The following SEMA6A variants were observed in gnomAD, a reference collection of about 807,000 sequenced individuals.
The protein encoded by SEMA6A is semaphorin 6A.
In SEMA6A, 25 loss-of-function variants were observed where a neutral mutation model predicts 96.8. That is an observed-to-expected ratio of 0.26 (90% CI 0.19 to 0.36). The LOEUF (loss-of-function observed/expected upper bound fraction) is 0.36. Ranked by LOEUF, SEMA6A falls within the 10% of genes least tolerant of loss-of-function variation. The probability of loss-of-function intolerance (pLI) is 1.00; values close to 1 mark genes in which losing one functional copy is unlikely to be tolerated. For missense variants in SEMA6A, 1,363 were observed against 1,323.1 expected (o/e 1.03, Z -0.47); for synonymous variants, 612 against 518.0 (o/e 1.18, Z -2.46).
At chr5:116,523,501 G>A (rs561300792) in intron 1 of SEMA6A, among the ~76,000 whole-genome samples, 4 of 152,070 alleles carry the variant, frequency 2.6e-5, no homozygotes, top group East Asian at 3.9e-4. Context: ...TTGTAGAGAC[G>A]GGATTTCATC....
At chr5:116,484,660 TAAC>T (rs918301400) in intron 10 of SEMA6A, among the ~76,000 whole-genome samples, 13 of 151,920 alleles carry the variant, frequency 8.6e-5, no homozygotes, top group African/African-American at 2.2e-4. Context: ...ACAAAAATCA[TAAC>T]AACAACATCT....
intron 13 of SEMA6A, 52 bp from the exon 14 acceptor site, chr5:116,478,206 G>C: frequency 1.3e-6 from 2 of 1,581,552 alleles, no homozygotes; most frequent in Non-Finnish European, 1.7e-6. Context: ...TCTTTTTCTC[G>C]GCCCCACCCT....
chr5:116,459,233 T>C (rs895766443), intron 18 of SEMA6A, among the ~76,000 whole-genome samples: 10 of 152,188 alleles, frequency 6.6e-5, no homozygotes, highest in Admixed American at 3.9e-4. Context: ...ATGCCAGCGA[T>C]GTGTAGTAAC....
intron 1 of SEMA6A, among the ~76,000 whole-genome samples, chr5:116,560,561 A>C (rs976966174): frequency 6.6e-6 from 1 of 151,784 alleles, no homozygotes; most frequent in African/African-American, 2.4e-5. Flanking sequence ...CCTTGCTAAA[A>C]ACGTGTTTCT....
intron 1 of SEMA6A, among the ~76,000 whole-genome samples, chr5:116,520,568 T>C (rs886528284): frequency 2.0e-5 from 3 of 152,116 alleles, no homozygotes; most frequent in African/African-American, 7.2e-5. Context: ...TTTTCAGATA[T>C]CTGAAGAGAA....
At position 116,446,648 on chromosome 5, in the gene SEMA6A, A is replaced by G; in HGVS notation, c.3058T>C (p.Ser1020Pro). Residue 1020 changes from serine to proline, a missense_variant, in exon 19 of 19, where the codon TCC becomes CCC. By Grantham distance (74) the Ser-to-Pro change is moderately conservative. This residue lies in a region of SEMA6A where 883 missense variants were observed against 763.6 expected (regional missense o/e 1.16). Transcript: ENST00000343348. Reference protein sequence around the residue: ...VPPKPSFAPLSTSMKPNDACT With the variant: ...VPPKPSFAPLPTSMKPNDACT ...GCATCATTGGGCTTCATGGATGTGGAAAGGGGAGCAAAGGATGGTTTGGGG... is the reference window on the plus strand; with the variant it reads ...GCATCATTGGGCTTCATGGATGTGGGAAGGGGAGCAAAGGATGGTTTGGGG... 1 of 1,527,016 alleles carries G rather than the reference A, an allele frequency of 6.5e-7. No homozygotes were observed. Among genetic ancestry groups the G allele is most frequent in the Non-Finnish European group, 8.8e-7 (1 of 1,136,326 alleles). 94.6% of individuals were successfully genotyped at this position (1,527,016 alleles called of 1,614,324 possible). A position where few individuals can be genotyped will look rare whatever the true frequency, so the allele number is the denominator to read the frequency against.
At chr5:116,463,348 G>A (rs1421155377) in intron 18 of SEMA6A, among the ~76,000 whole-genome samples, 1 of 152,168 alleles carries the variant, frequency 6.6e-6, no homozygotes, top group Non-Finnish European at 1.5e-5. Flanking sequence ...AGGAAATACT[G>A]CTGTAGGCTA....
At chr5:116,503,045 C>T (rs1440465364) in intron 2 of SEMA6A, among the ~76,000 whole-genome samples, 1 of 152,218 alleles carries the variant, frequency 6.6e-6, no homozygotes, top group African/African-American at 2.4e-5. Context: ...TCCTACACTT[C>T]TCTTTGGCTG....
chr5:116,467,013 CA>C (rs1755799506), intron 18 of SEMA6A, among the ~76,000 whole-genome samples: 1 of 152,198 alleles, frequency 6.6e-6, no homozygotes, highest in East Asian at 1.9e-4. Flanking sequence ...AAATGCATAG[CA>C]ATTCTGCTTG....
chr5:116,458,260 A>G (rs1423880351), intron 18 of SEMA6A, among the ~76,000 whole-genome samples: 1 of 152,200 alleles, frequency 6.6e-6, no homozygotes, highest in East Asian at 1.9e-4. Context: ...CCGTTGAACC[A>G]ATTAAAGAGC....
chr5:116,447,887 G>C (rs1754353099), intron 18 of SEMA6A, 76 bp from the exon 19 acceptor site: 1 of 1,210,114 alleles, frequency 8.3e-7, no homozygotes. Flanking sequence ...CATTCACCTT[G>C]TTAATTAATA....
intron 1 of SEMA6A, chr5:116,562,840 C>G (rs1435774650): frequency 5.9e-6 from 4 of 681,918 alleles, no homozygotes; most frequent in Non-Finnish European, 1.1e-5. Context: ...CTGCCTTACA[C>G]ATCAAACACC....
chr5:116,555,111 A>C (rs1760559986), intron 1 of SEMA6A, among the ~76,000 whole-genome samples: 1 of 152,130 alleles, frequency 6.6e-6, no homozygotes, highest in Non-Finnish European at 1.5e-5. Flanking sequence ...CCAGCTCCAG[A>C]GACACCCAGT....
chr5:116,477,764 G>C lies in SEMA6A; in HGVS notation c.1649+82C>G, dbSNP rs541276764. ...TGCACAGAAAGCTGTGTGGTGGTGT[G>C]TGTGAGCAGAGCAAATCTTACATCT... On this transcript the variant is annotated intron_variant, in intron 15 of 18. Coordinates refer to ENST00000343348, the MANE Select transcript of SEMA6A (RefSeq NM_020796.5). 13 of 1,347,390 alleles carry C rather than the reference G, an allele frequency of 9.6e-6. No individual in the cohort carries two copies. The African/African-American group carries it at 1.4e-4, about 15-fold the overall frequency. The allele number at this position is 1,347,390 out of a possible 1,614,324, so 83.5% of individuals were successfully genotyped here.
At chr5:116,536,772 C>T (rs1294518448) in intron 1 of SEMA6A, among the ~76,000 whole-genome samples, 3 of 140,822 alleles carry the variant, frequency 2.1e-5, no homozygotes, top group Non-Finnish European at 4.7e-5. Context: ...GCATTGTCCG[C>T]GGGAGATGTT....
chr5:116,472,892 T>C (rs778830278), intron 17 of SEMA6A, 181 bp downstream of exon 17: 31 of 1,509,718 alleles, frequency 2.1e-5, no homozygotes, highest in Admixed American at 4.5e-5. Context: ...GACCATACAC[T>C]GTGTTGTAAG....
intron 1 of SEMA6A, among the ~76,000 whole-genome samples, chr5:116,547,900 T>C (rs1206006681): frequency 6.6e-6 from 1 of 152,152 alleles, no homozygotes; most frequent in African/African-American, 2.4e-5. Flanking sequence ...GGAGCTAAAG[T>C]GCTTTTAGGG....
chr5:116,496,195 A>T, intron 5 of SEMA6A, 56 bp downstream of exon 5: 1 of 1,404,362 alleles, frequency 7.1e-7, no homozygotes, highest in Non-Finnish European at 1.0e-6. Flanking sequence ...GGCTGGAGAT[A>T]ACAGTCAAAA....
chr5:116,502,810 A>T (rs932394819), intron 2 of SEMA6A: 1 of 156,332 alleles, frequency 6.4e-6, no homozygotes, highest in Non-Finnish European at 1.4e-5. Flanking sequence ...GAAGAAAAAT[A>T]CAGTCTCCAC....
Sources: gnomAD v4.1 joint callset for allele counts (sites outside exome capture counted in the v4.1 genomes callset) on GRCh38, gnomAD v4.1.1 for gene constraint, gnomAD v4.1.1 regional missense constraint, MANE v1.5 for transcripts, NCBI Gene and HGNC (gene_info 2026-07-23, HGNC 2026-07-21) for gene names.